ADAMTS12: variants seen among roughly 807,000 people sequenced by gnomAD.
ADAMTS12 encodes A disintegrin and metalloproteinase with thrombospondin motifs 12.
ADAMTS12 carries 118 observed loss-of-function variants against 167.8 expected under a neutral mutation model. That is an observed-to-expected ratio of 0.70 (90% CI 0.61 to 0.82). The LOEUF is 0.82. ADAMTS12 is among the 40% of genes least tolerant of loss of function. The pLI is 0.00. For missense variants in ADAMTS12, 1,916 were observed against 1,998.8 expected (o/e 0.96, Z 0.79); for synonymous variants, 704 against 716.9 (o/e 0.98, Z 0.29).
At chr5:33,724,713 G>A (rs1209438074) in intron 3 of ADAMTS12, among the ~76,000 whole-genome samples, 1 of 151,928 alleles carries the variant, frequency 6.6e-6, no homozygotes, top group African/African-American at 2.4e-5. Context: ...CACCGTGCCC[G>A]GCTAATTTTT....
chr5:33,678,714 C>T (rs1336483832), intron 5 of ADAMTS12, among the ~76,000 whole-genome samples: 1 of 152,146 alleles, frequency 6.6e-6, no homozygotes, highest in African/African-American at 2.4e-5. Context: ...CAGAAAACCA[C>T]TGGACTAAAC....
At position 33,616,222 on chromosome 5, in the gene ADAMTS12, T is replaced by G. The variant is rs558776829; in HGVS notation, c.2144-150A>C. 4.8e-5 allele frequency: 51 copies of G among 1,062,826 alleles called. No individual in the cohort carries two copies. In the African/African-American group the frequency reaches 5.9e-4, roughly 12 times the overall value. The allele number at this position is 1,062,826 out of a possible 1,614,324, so 65.8% of individuals were successfully genotyped here. On this transcript the variant is annotated intron_variant, in intron 14 of 23. Transcript: ENST00000504830. Reference sequence around the variant, plus strand: ...CACTGGAATTGGCAGAAGCACTACTTATGGGGGATTTTCGAGAACTTGGAC... The same window carrying G: ...CACTGGAATTGGCAGAAGCACTACTGATGGGGGATTTTCGAGAACTTGGAC...
intron 5 of ADAMTS12, among the ~76,000 whole-genome samples, chr5:33,675,422 T>C (rs1318124578): frequency 6.6e-6 from 1 of 152,188 alleles, no homozygotes; most frequent in African/African-American, 2.4e-5. Flanking sequence ...GAGATTCTTC[T>C]GACATTCCAG....
At chr5:33,763,410 C>G (rs1476610580) in intron 2 of ADAMTS12, among the ~76,000 whole-genome samples, 2 of 152,096 alleles carry the variant, frequency 1.3e-5, no homozygotes, top group Non-Finnish European at 2.9e-5. Flanking sequence ...ATGAAAAAGG[C>G]AAGAAAACAG....
intron 2 of ADAMTS12, among the ~76,000 whole-genome samples, chr5:33,866,438 AAATCAACTC>A (rs1749824913): frequency 6.6e-6 from 1 of 152,182 alleles, no homozygotes; most frequent in African/African-American, 2.4e-5. Context: ...CCTTATACAA[AAATCAACTC>A]AAGATGGATC....
intron 16 of ADAMTS12, among the ~76,000 whole-genome samples, chr5:33,601,783 C>T (rs956399488): frequency 5.9e-5 from 9 of 152,282 alleles, no homozygotes; most frequent in Admixed American, 4.6e-4. Flanking sequence ...ACTACTTTTT[C>T]TCTCCCTGAA....
chr5:33,814,629 AGAT>A (rs549302398), intron 2 of ADAMTS12, among the ~76,000 whole-genome samples: 1,817 of 152,330 alleles, frequency 0.012, 14 homozygotes, highest in Non-Finnish European at 0.02. Context: ...ATATAAGTGT[AGAT>A]GAGTAGAGGG....
rs537697788 is a variant in ADAMTS12 at position 33,708,296 on chromosome 5, A to T, written c.635-24241T>A. Among the ~76,000 whole-genome samples, 19 of 152,328 alleles carry T rather than the reference A, an allele frequency of 1.2e-4. No individual in the cohort carries two copies. In the South Asian group the frequency reaches 3.7e-3, roughly 30 times the overall value. ...GGCCATCATTAAAAAGTCAGGAAAC[A>T]ACAGACACCGGAGAGAATGTGGAGA... On this transcript the variant is annotated intron_variant, in intron 3 of 23. Transcript: ENST00000504830.
chr5:33,674,154 A>G (rs897335274), intron 5 of ADAMTS12, among the ~76,000 whole-genome samples: 4 of 152,192 alleles, frequency 2.6e-5, no homozygotes, highest in African/African-American at 9.6e-5. Flanking sequence ...CACACCACCC[A>G]TGAAGGAAAG....
chr5:33,753,172 TA>T (rs1745055865), intron 2 of ADAMTS12, among the ~76,000 whole-genome samples: 1 of 152,224 alleles, frequency 6.6e-6, no homozygotes, highest in Admixed American at 6.5e-5. Context: ...GTGAAGCTTG[TA>T]AAAGTGCCAT....
intron 5 of ADAMTS12, among the ~76,000 whole-genome samples, chr5:33,662,970 C>G (rs563733861): frequency 2.0e-5 from 3 of 152,332 alleles, no homozygotes; most frequent in Admixed American, 2.0e-4. Flanking sequence ...AGGACAGTCT[C>G]TGCATGAAAT....
chr5:33,890,696 T>C (rs1320169599), intron 1 of ADAMTS12, among the ~76,000 whole-genome samples: 3 of 152,304 alleles, frequency 2.0e-5, no homozygotes, highest in African/African-American at 7.2e-5. Flanking sequence ...TGCGTGTGCA[T>C]GCGTGTGGGT....
At chr5:33,750,989 G>A (rs913821102) in intron 3 of ADAMTS12, among the ~76,000 whole-genome samples, 1 of 152,132 alleles carries the variant, frequency 6.6e-6, no homozygotes, top group Non-Finnish European at 1.5e-5. Flanking sequence ...CAGATGTGAT[G>A]AGCTGTCTGG....
intron 16 of ADAMTS12, among the ~76,000 whole-genome samples, chr5:33,598,288 GA>G (rs1219194947): frequency 6.6e-6 from 1 of 152,112 alleles, no homozygotes; most frequent in Non-Finnish European, 1.5e-5. Flanking sequence ...CCAGTAGGTC[GA>G]CCCCCTGACA....
At chr5:33,853,434 G>A (rs182576296) in intron 2 of ADAMTS12, among the ~76,000 whole-genome samples, 1 of 152,282 alleles carries the variant, frequency 6.6e-6, no homozygotes, top group East Asian at 1.9e-4. Flanking sequence ...CAGCTTTTCT[G>A]GTAAGAGCTA....
At chr5:33,648,071 T>A (rs770050516) in intron 9 of ADAMTS12, among the ~76,000 whole-genome samples, 1 of 152,228 alleles carries the variant, frequency 6.6e-6, no homozygotes, top group East Asian at 1.9e-4. Context: ...CTCGTCAATA[T>A]GTGTGTGTTA....
At chr5:33,641,261 T>C (rs188007663) in intron 11 of ADAMTS12, among the ~76,000 whole-genome samples, 47 of 152,304 alleles carry the variant, frequency 3.1e-4, no homozygotes, top group Non-Finnish European at 8.8e-5. Context: ...AAAATAACAT[T>C]TGCAGAATCC....
chr5:33,816,534 C>T (rs543125074), intron 2 of ADAMTS12, among the ~76,000 whole-genome samples: 10 of 152,300 alleles, frequency 6.6e-5, no homozygotes, highest in Admixed American at 6.5e-4. Flanking sequence ...CCATTCTACT[C>T]TCTGCTTCTA....
intron 5 of ADAMTS12, among the ~76,000 whole-genome samples, chr5:33,663,499 T>C (rs1741340120): frequency 6.6e-6 from 1 of 152,240 alleles, no homozygotes; most frequent in African/African-American, 2.4e-5. Flanking sequence ...TCATTTACTA[T>C]GTGCCAGATG....
Sources: gnomAD v4.1 joint callset for allele counts (sites outside exome capture counted in the v4.1 genomes callset) on GRCh38, gnomAD v4.1.1 for gene constraint, MANE v1.5 for transcripts, NCBI Gene and HGNC (gene_info 2026-07-23, HGNC 2026-07-21) for gene names.